Variants in SLC4A4 observed in about 807,000 individuals in gnomAD.
SLC4A4 encodes the protein solute carrier family 4 member 4.
A neutral mutation model predicts 111.5 loss-of-function variants in SLC4A4; 27 were observed. The ratio of observed to expected loss-of-function variants is 0.24; its 90% CI spans 0.18 to 0.33. The LOEUF (loss-of-function observed/expected upper bound fraction) is 0.33, where lower values mean the gene tolerates loss of function less well. SLC4A4 is among the 10% of genes least tolerant of loss of function. SLC4A4 has a pLI of 1.00. For synonymous variants in SLC4A4, 443 were observed against 463.4 expected (o/e 0.96, Z 0.57); for missense variants, 909 against 1,315.5 (o/e 0.69, Z 4.78).
intron 2 of SLC4A4, among the ~76,000 whole-genome samples, chr4:71,250,419 T>TTTAA (rs1219476713): frequency 1.3e-5 from 2 of 152,066 alleles, no homozygotes; most frequent in African/African-American, 4.8e-5. Flanking sequence ...TCCCTCAGTG[T>TTTAA]TTAATTAGAG....
intron 18 of SLC4A4, among the ~76,000 whole-genome samples, chr4:71,542,180 T>TAA (rs1326104478): frequency 6.6e-6 from 1 of 152,180 alleles, no homozygotes; most frequent in African/African-American, 2.4e-5. Flanking sequence ...GACACTGTAC[T>TAA]AGACATGGTA....
intron 1 of SLC4A4, chr4:71,233,259 G>A: frequency 2.0e-6 from 2 of 985,164 alleles, no homozygotes; most frequent in Non-Finnish European, 2.4e-6. Context: ...ATGAATGCAG[G>A]AAAGAGAAAA....
intron 25 of SLC4A4, 24 bp from the exon 26 acceptor site, chr4:71,567,764 C>CTTTTTTTTTTTTTT: frequency 9.5e-7 from 1 of 1,055,944 alleles, no homozygotes; most frequent in Non-Finnish European, 1.4e-6. Context: ...TTACTTACTA[C>CTTTTTTTTTTTTTT]TTTTTTTTTT....
intron 3 of SLC4A4, among the ~76,000 whole-genome samples, chr4:71,278,653 G>A (rs1356004534): frequency 6.6e-6 from 1 of 152,152 alleles, no homozygotes. Flanking sequence ...TGTGACAGAT[G>A]TCTTATTGTG....
chr4:71,100,797 C>T (rs1028345148), intron 2 of SLC4A4, among the ~76,000 whole-genome samples: 1 of 152,156 alleles, frequency 6.6e-6, no homozygotes, highest in African/African-American at 2.4e-5. Context: ...TTCCTATACT[C>T]CAGCAGCTAA....
chr4:71,354,624 A>C (rs1446903159), intron 5 of SLC4A4, among the ~76,000 whole-genome samples: 1 of 152,104 alleles, frequency 6.6e-6, no homozygotes, highest in Admixed American at 6.5e-5. Flanking sequence ...ATCTTTGTCC[A>C]TTCTTCTGTC....
chr4:71,384,495 A>G (rs963092185), intron 6 of SLC4A4, among the ~76,000 whole-genome samples: 1 of 152,050 alleles, frequency 6.6e-6, no homozygotes, highest in Non-Finnish European at 1.5e-5. Flanking sequence ...GAGGAAGCCA[A>G]TTGAATGGCC....
chr4:71,310,689 A>T (rs1248315548), intron 3 of SLC4A4, among the ~76,000 whole-genome samples: 1 of 152,226 alleles, frequency 6.6e-6, no homozygotes, highest in Non-Finnish European at 1.5e-5. Flanking sequence ...AAAGCACTAA[A>T]TATGGAAAAG....
At chr4:71,363,946 C>G (rs1330020768) in intron 6 of SLC4A4, among the ~76,000 whole-genome samples, 1 of 152,234 alleles carries the variant, frequency 6.6e-6, no homozygotes, top group African/African-American at 2.4e-5. Flanking sequence ...ACTCATTCAT[C>G]AGGCACCATT....
At chr4:71,538,286 TA>T (rs990300604) in intron 18 of SLC4A4, among the ~76,000 whole-genome samples, 2 of 152,132 alleles carry the variant, frequency 1.3e-5, no homozygotes, top group Admixed American at 6.6e-5. Flanking sequence ...CAGACATTTT[TA>T]ATCTTATTTT....
At chr4:71,226,816 TTGAC>T (rs1478241051) in intron 1 of SLC4A4, among the ~76,000 whole-genome samples, 1 of 152,166 alleles carries the variant, frequency 6.6e-6, no homozygotes, top group Admixed American at 6.5e-5. Context: ...AACTGGTTGA[TTGAC>T]TGATGGATTG....
chr4:71,318,926 C>T (rs1165824098), intron 3 of SLC4A4, among the ~76,000 whole-genome samples: 5 of 151,474 alleles, frequency 3.3e-5, no homozygotes, highest in Non-Finnish European at 7.4e-5. Flanking sequence ...CCTAACATCT[C>T]CACTATGCAA....
chr4:71,128,651 G>T (rs1016457110), intron 2 of SLC4A4, among the ~76,000 whole-genome samples: 49 of 152,098 alleles, frequency 3.2e-4, no homozygotes, highest in African/African-American at 1.1e-3. Context: ...ACCGTGCCAA[G>T]CTAATTTTTG....
In SLC4A4 at chr4:71,407,490, C is replaced by T. The variant is rs960590275; in HGVS notation, c.807+9837C>T. 3.3e-5 allele frequency among the ~76,000 whole-genome samples: 5 copies of T among 152,206 alleles called. No homozygotes were observed. In the East Asian group the frequency reaches 7.7e-4, roughly 23 times the overall value. On this transcript the variant is annotated intron_variant, in intron 7 of 25. Coordinates refer to ENST00000264485, the MANE Select transcript of SLC4A4 (RefSeq NM_001098484.3). ...AGCTGGGGTTCAGTGAAAGACACAA[C>T]TGTGTGGGCCAAAGCCATCAATCAA...
intron 8 of SLC4A4, among the ~76,000 whole-genome samples, chr4:71,441,349 A>T (rs186297792): frequency 1.3e-5 from 2 of 152,342 alleles, no homozygotes; most frequent in Admixed American, 1.3e-4. Flanking sequence ...CATCCTCTTC[A>T]TCCGCCTCTG....
intron 7 of SLC4A4, among the ~76,000 whole-genome samples, chr4:71,430,209 T>A (rs910449666): frequency 6.6e-6 from 1 of 152,120 alleles, no homozygotes; most frequent in African/African-American, 2.4e-5. Flanking sequence ...TTATGTTTCT[T>A]TTTTCATTGC....
intron 2 of SLC4A4, among the ~76,000 whole-genome samples, chr4:71,173,410 C>A (rs1312231729): frequency 1.3e-5 from 2 of 152,038 alleles, no homozygotes; most frequent in Admixed American, 1.3e-4. Flanking sequence ...GAAATGGAGT[C>A]TCCTCTGTCA....
intron 1 of SLC4A4, among the ~76,000 whole-genome samples, chr4:71,217,039 T>G (rs1031164391): frequency 6.6e-5 from 10 of 152,234 alleles, no homozygotes; most frequent in Admixed American, 3.3e-4. Context: ...TAAAAATTCT[T>G]TACTAATTTT....
At chr4:71,494,700 T>A (rs535887224) in intron 15 of SLC4A4, among the ~76,000 whole-genome samples, 1 of 152,100 alleles carries the variant, frequency 6.6e-6, no homozygotes, top group South Asian at 2.1e-4. Flanking sequence ...ACCATAGAGA[T>A]GTGAGAACCA....
Sources: allele counts gnomAD v4.1 joint callset (sites outside exome capture counted in the v4.1 genomes callset), GRCh38; gene constraint gnomAD v4.1.1; transcripts MANE v1.5; gene names NCBI Gene and HGNC (gene_info 2026-07-23, HGNC 2026-07-21).